Variants in PADI4 observed in about 807,000 individuals in gnomAD.
The protein encoded by PADI4 is peptidyl arginine deiminase 4, also known as protein-arginine deiminase type-4.
Under a neutral mutation model 75.0 loss-of-function variants are expected in PADI4, and 62 were observed. That is an observed-to-expected ratio of 0.83 (90% CI 0.67 to 1.02). The LOEUF is 1.02. Ranked by LOEUF, PADI4 falls within the 50% of genes least tolerant of loss-of-function variation. The probability of loss-of-function intolerance (pLI) is 0.00; values close to 1 mark genes in which losing one functional copy is unlikely to be tolerated. For missense variants in PADI4, 845 were observed against 850.5 expected, an observed-to-expected ratio of 0.99 and a Z score of 0.08; for synonymous variants, 361 against 348.1, an observed-to-expected ratio of 1.04 and a Z score of -0.41.
intron 10 of PADI4, among the ~76,000 whole-genome samples, chr1:17,351,035 A>AAT (rs2074607501): frequency 8.0e-6 from 1 of 125,654 alleles, no homozygotes; most frequent in Non-Finnish European, 1.8e-5. Flanking sequence ...AAAAAAAAAA[A>AAT]AAAATTGTTT....
chr1:17,318,851 A>G (rs1274370349), intron 1 of PADI4, among the ~76,000 whole-genome samples: 1 of 151,740 alleles, frequency 6.6e-6, no homozygotes, highest in Admixed American at 6.6e-5. Context: ...ACTCCCGGCT[A>G]ATTTTTTTTT....
At position 17,356,156 on chromosome 1, in the gene PADI4, C is replaced by T. The variant is rs775201305; in HGVS notation, c.1455+29C>T. ...CAGTCTTGGGGGCTGCCTCAGGAAGCCATGCCTCCTTCCTGGGTAGACCCT... is the reference window on the plus strand; with the variant it reads ...CAGTCTTGGGGGCTGCCTCAGGAAGTCATGCCTCCTTCCTGGGTAGACCCT... On this transcript the variant is annotated intron_variant, in intron 12 of 15. Transcript: ENST00000375448. The surrounding 1 kb of genome is among the most constrained non-coding windows in gnomAD (Gnocchi z 4.1). 1.9e-6 allele frequency: 3 copies of T among 1,608,726 alleles called. No homozygotes were observed. The highest frequency in any genetic ancestry group is 2.7e-5 in the African/African-American group (2 of 74,794).
intron 10 of PADI4, among the ~76,000 whole-genome samples, chr1:17,349,128 G>A (rs967070499): frequency 2.0e-5 from 3 of 152,212 alleles, no homozygotes; most frequent in Non-Finnish European, 2.9e-5. Context: ...CTCAGCCATG[G>A]GGTCGAGTTC....
intron 1 of PADI4, among the ~76,000 whole-genome samples, chr1:17,310,085 C>A (rs1052947885): frequency 6.6e-6 from 1 of 152,222 alleles, no homozygotes; most frequent in African/African-American, 2.4e-5. Flanking sequence ...CTTTTCTCCT[C>A]CTTCAGCCAC....
Position 17,352,132 on chromosome 1 carries a change from G to A in PADI4, c.1156-2401G>A, listed in dbSNP as rs1308607262. Reference sequence around the variant, plus strand: ...GAGAGACTGTGGTCAGAGAGGTGATGGGAGGCAGTAGGAGAGGCAATCAGG... The same window carrying A: ...GAGAGACTGTGGTCAGAGAGGTGATAGGAGGCAGTAGGAGAGGCAATCAGG... On this transcript the variant is annotated intron_variant, in intron 10 of 15. Coordinates refer to ENST00000375448, the MANE Select transcript of PADI4 (RefSeq NM_012387.3). 1.4e-4 allele frequency among the ~76,000 whole-genome samples: 18 copies of A among 132,522 alleles called. 1 individual carries two copies. Among genetic ancestry groups the A allele is most frequent in the Admixed American group, 4.5e-4 (6 of 13,398 alleles). 86.9% of individuals were successfully genotyped at this position (132,522 alleles called of 152,430 possible). A position where few individuals can be genotyped will look rare whatever the true frequency, so the allele number is the denominator to read the frequency against.
At chr1:17,331,492 G>A (rs1402238892) in intron 2 of PADI4, among the ~76,000 whole-genome samples, 2 of 152,214 alleles carry the variant, frequency 1.3e-5, no homozygotes, top group Non-Finnish European at 1.5e-5. Flanking sequence ...ATGAATGGTA[G>A]CATCAGAGAA....
chr1:17,328,680 C>A (rs2074155491), intron 1 of PADI4, among the ~76,000 whole-genome samples: 1 of 151,914 alleles, frequency 6.6e-6, no homozygotes, highest in African/African-American at 2.4e-5. Flanking sequence ...TCTAAAAAAT[C>A]TAGAGTTAAA....
intron 10 of PADI4, among the ~76,000 whole-genome samples, chr1:17,351,609 CAA>C (rs56047360): frequency 0.029 from 2,801 of 97,918 alleles, 68 homozygotes; most frequent in African/African-American, 0.11. Flanking sequence ...GACCTGGTCT[CAA>C]AAAAAAAAAA....
Position 17,332,432 on chromosome 1 carries a change from T to C in PADI4, c.273+1283T>C, listed in dbSNP as rs374190374. On this transcript the variant is annotated intron_variant, in intron 2 of 15. Coordinates refer to ENST00000375448, the MANE Select transcript of PADI4 (RefSeq NM_012387.3). The stretch of plus-strand genomic sequence containing the variant: ...CAGCTAATTTTTGTATTTTTTTTAG[T>C]AGAGATGGGATTTCACCATGTTGGT... Among the ~76,000 whole-genome samples, 24 of 152,102 alleles carry C rather than the reference T, an allele frequency of 1.6e-4. No homozygotes were observed. In the South Asian group the frequency reaches 2.3e-3, roughly 15 times the overall value.
At chr1:17,354,498 C>T (rs754927481) in intron 10 of PADI4, 35 bp from the exon 11 acceptor site, 4 of 1,610,014 alleles carry the variant, frequency 2.5e-6, no homozygotes, top group Non-Finnish European at 3.4e-6. Context: ...GGACCTCATT[C>T]CTCTAACTCT....
At chr1:17,320,136 A>G (rs140202751) in intron 1 of PADI4, among the ~76,000 whole-genome samples, 2,060 of 152,334 alleles carry the variant, frequency 0.014, 53 homozygotes, top group African/African-American at 0.047. Context: ...CTCCAGGGGC[A>G]AACCCATTCC....
At chr1:17,316,503 CACAG>C (rs2073936777) in intron 1 of PADI4, among the ~76,000 whole-genome samples, 1 of 151,736 alleles carries the variant, frequency 6.6e-6, no homozygotes, top group African/African-American at 2.4e-5. Context: ...TCCTGGCTAA[CACAG>C]TGAAACCCCG....
intron 10 of PADI4, among the ~76,000 whole-genome samples, chr1:17,352,468 TAA>T (rs1339668117): frequency 2.0e-5 from 3 of 151,954 alleles, no homozygotes; most frequent in Non-Finnish European, 4.4e-5. Context: ...TGTTGTTGAG[TAA>T]AGAGAACAGA....
At chr1:17,353,243 G>A (rs1228196376) in intron 10 of PADI4, among the ~76,000 whole-genome samples, 3 of 152,108 alleles carry the variant, frequency 2.0e-5, no homozygotes, top group African/African-American at 7.2e-5. Context: ...CAGGAAGATT[G>A]AGCCCAGGAG....
At position 17,363,807 on chromosome 1, in the gene PADI4, C is replaced by G; in HGVS notation, c.*52C>G. ...TCCTGGCCAGATGTCGCTGGGTCCT[C>G]TGCAGTGTGGCAAGCAAGAGCTCTT... On this transcript the variant is annotated 3_prime_UTR_variant, in exon 16 of 16. Coordinates refer to ENST00000375448, the MANE Select transcript of PADI4 (RefSeq NM_012387.3). 1 of 1,313,812 alleles carries G rather than the reference C, an allele frequency of 7.6e-7. No homozygotes were observed. Among genetic ancestry groups the G allele is most frequent in the Non-Finnish European group, 1.1e-6 (1 of 914,998 alleles). The allele number at this position is 1,313,812 out of a possible 1,614,324, so 81.4% of individuals were successfully genotyped here. A position where few individuals can be genotyped will look rare whatever the true frequency, so the allele number is the denominator to read the frequency against.
At chr1:17,353,075 G>T (rs1373579247) in intron 10 of PADI4, among the ~76,000 whole-genome samples, 1 of 152,186 alleles carries the variant, frequency 6.6e-6, no homozygotes, top group East Asian at 1.9e-4. Context: ...TGTTCATGGA[G>T]ACCTGGACAA....
At chr1:17,322,408 GA>G (rs1287600927) in intron 1 of PADI4, among the ~76,000 whole-genome samples, 5 of 152,116 alleles carry the variant, frequency 3.3e-5, no homozygotes, top group African/African-American at 1.2e-4. Flanking sequence ...AGAATTGCTT[GA>G]ACCTGGGAGG....
At chr1:17,316,025 A>G (rs1569981876) in intron 1 of PADI4, among the ~76,000 whole-genome samples, 1 of 151,896 alleles carries the variant, frequency 6.6e-6, no homozygotes, top group East Asian at 1.9e-4. Flanking sequence ...CCCGGCAAAA[A>G]CAAAACCAGC....
At position 17,308,297 on chromosome 1, in the gene PADI4, T is replaced by G. The variant is rs142726269; in HGVS notation, c.75T>G (p.Thr25=). ...THAVCVLGTL[T]QLDICSSAPE... is the part of the protein sequence containing the mutation. ...CCGTGTGTGTGCTGGGCACCTTGAC[T>G]CAGCTTGACATCTGCAGGTAAGAGG... The change falls in exon 1 of 16, where the codon ACT becomes ACG. Residue 25 remains threonine, a synonymous_variant. Transcript: ENST00000375448. The G allele has an allele frequency of 2.5e-6, 4 of 1,613,804 alleles. No individual in the cohort carries two copies. In the African/African-American group the frequency reaches 5.3e-5, roughly 22 times the overall value.
Sources: gnomAD v4.1 joint callset for allele counts (sites outside exome capture counted in the v4.1 genomes callset) on GRCh38, gnomAD v4.1.1 for gene constraint, Gnocchi (gnomAD v3.1) non-coding constraint, MANE v1.5 for transcripts, NCBI Gene and HGNC (gene_info 2026-07-23, HGNC 2026-07-21) for gene names.